Variants in CISD3 observed in about 807,000 individuals in gnomAD.
CISD3 encodes CDGSH iron sulfur domain 3, also known as CDGSH iron-sulfur domain-containing protein 3, mitochondrial.
Under a neutral mutation model 14.1 loss-of-function variants are expected in CISD3, and 11 were observed. That is an observed-to-expected ratio of 0.78 (90% CI 0.49 to 1.29). The LOEUF (loss-of-function observed/expected upper bound fraction) is 1.29. Ranked by LOEUF, CISD3 falls within the 50% of genes most tolerant of loss-of-function variation. The pLI, the probability that CISD3 is intolerant of heterozygous loss-of-function variation, is 0.00. For synonymous variants in CISD3, 53 were observed against 69.2 expected (o/e 0.77, Z 1.16); for missense variants, 156 against 171.6 (o/e 0.91, Z 0.51).
chr17:38,733,424 T>G lies in CISD3; in HGVS notation c.353T>G (p.Val118Gly). Residue 118 changes from valine (V) to glycine (G), a missense_variant, in exon 4 of 4, where the codon GTG (valine) becomes GGG (glycine). Val to Gly is a moderately radical substitution (Grantham distance 109, BLOSUM62 -3). Transcript: ENST00000613478. Reference protein sequence around the residue: ...YCDGTHRSERVQKAEVGSPL With the variant: ...YCDGTHRSERGQKAEVGSPL ...GATGGCACCCACAGGAGTGAGCGCGTGCAGAAGGCAGAAGTGGGCTCCCCA... is the reference window on the plus strand; with the variant it reads ...GATGGCACCCACAGGAGTGAGCGCGGGCAGAAGGCAGAAGTGGGCTCCCCA... The G allele has an allele frequency of 6.5e-7, 1 of 1,547,368 alleles. No individual in the cohort carries two copies. The highest frequency in any genetic ancestry group is 8.7e-7 in the Non-Finnish European group (1 of 1,144,002).
At position 38,731,307 on chromosome 17, in the gene CISD3, TC is replaced by T. The variant is rs758252173; in HGVS notation, c.85-10del. ...TGAGCTAACCCTGAGCCCCTCATCT[TC>T]CCTGGCCACAGGCCCAGTGGTTCCC... On this transcript the variant is annotated splice_polypyrimidine_tract_variant and intron_variant, in intron 2 of 3. Coordinates refer to ENST00000613478, the MANE Select transcript of CISD3 (RefSeq NM_001136498.2). 1 of 1,550,614 alleles carries T rather than the reference TC, an allele frequency of 6.4e-7. No individual in the cohort carries two copies. Among genetic ancestry groups the T allele is most frequent in the Non-Finnish European group, 8.7e-7 (1 of 1,146,864 alleles).
Position 38,735,364 on chromosome 17 carries a change from G to A in CISD3, c.*1909G>A. ...TGGCTGTCGAAGGGGGAGTGGGGGA[G>A]GTAGGGTGGGTGGCTGGAGGCCCAT... On this transcript the variant is annotated 3_prime_UTR_variant, in exon 4 of 4. Coordinates refer to ENST00000613478, the MANE Select transcript of CISD3 (RefSeq NM_001136498.2). 6.4e-7 allele frequency: 1 copy of A among 1,562,250 alleles called. No homozygotes were observed. Among genetic ancestry groups the A allele is most frequent in the Non-Finnish European group, 8.7e-7 (1 of 1,151,956 alleles).
intron 3 of CISD3, chr17:38,731,684 G>A (rs1906341924): frequency 1.9e-6 from 1 of 532,116 alleles, no homozygotes; most frequent in Non-Finnish European, 3.4e-6. Flanking sequence ...CTTCCAGTGG[G>A]CTCTTCTGGA....
At position 38,733,660 on chromosome 17, in the gene CISD3, G is replaced by A. The variant is rs1033682822; in HGVS notation, c.*205G>A. ...GCCCTGGTTCAATGTTTGCTGATGGGGAAGATGGCAAAAACAAGCCTGCCC... is the reference window on the plus strand; with the variant it reads ...GCCCTGGTTCAATGTTTGCTGATGGAGAAGATGGCAAAAACAAGCCTGCCC... On this transcript the variant is annotated 3_prime_UTR_variant, in exon 4 of 4. Transcript: ENST00000613478. 3.5e-6 allele frequency: 2 copies of A among 568,628 alleles called. No individual in the cohort carries two copies. Among genetic ancestry groups the A allele is most frequent in the East Asian group, 3.1e-5 (1 of 31,864 alleles). The allele number at this position is 568,628 out of a possible 1,614,324, so 35.2% of individuals were successfully genotyped here. A position where few individuals can be genotyped will look rare whatever the true frequency, so the allele number is the denominator to read the frequency against.
intron 2 of CISD3, 124 bp downstream of exon 2, chr17:38,730,919 C>T: frequency 1.8e-6 from 2 of 1,094,236 alleles, no homozygotes; most frequent in South Asian, 2.9e-5. Context: ...GCCCGTGGCT[C>T]TCAGGGAGGT....
chr17:38,735,499 C>T lies in CISD3; in HGVS notation c.*2044C>T, dbSNP rs74324354. The T allele has an allele frequency of 7.3e-4, 1,166 of 1,593,276 alleles. 22 individuals are homozygous for T. In the East Asian group the frequency reaches 0.025, roughly 34 times the overall value. ...TGTCGCTGACTGACTCACACTCGGA[C>T]GCCCCGCTGGTGTTGGTGCCCTCGG... is the stretch of plus-strand genomic sequence containing the variant. On this transcript the variant is annotated 3_prime_UTR_variant, in exon 4 of 4. Transcript: ENST00000613478.
chr17:38,732,938 G>GAGAC (rs1555624786), intron 3 of CISD3, among the ~76,000 whole-genome samples: 1 of 116,572 alleles, frequency 8.6e-6, no homozygotes, highest in Non-Finnish European at 1.9e-5. Flanking sequence ...GAGACTCAGA[G>GAGAC]ACACACACAC....
At chr17:38,732,590 T>C (rs774088291) in intron 3 of CISD3, among the ~76,000 whole-genome samples, 22 of 152,052 alleles carry the variant, frequency 1.4e-4, no homozygotes, top group Non-Finnish European at 2.8e-4. Context: ...TGAGCCGTGT[T>C]TGCATCACTG....
chr17:38,731,429 G>C lies in CISD3; in HGVS notation c.194G>C (p.Ser65Thr). ...TACAGGTGGTGTGTGTGTGGCCGCA[G>C]CAAGAAGCAGGTGAGACCCCTGTCT... is the stretch of plus-strand genomic sequence containing the variant. ...KTYRWCVCGR[S>T]KKQPFCDGSH... is the part of the protein sequence containing the mutation. The change falls in exon 3 of 4, where the codon AGC becomes ACC. Residue 65 changes from serine (S) to threonine (T), a missense_variant. By Grantham distance (58) the Ser-to-Thr change is moderately conservative (BLOSUM62 1). Coordinates refer to ENST00000613478, the MANE Select transcript of CISD3 (RefSeq NM_001136498.2). The C allele has an allele frequency of 6.4e-7, 1 of 1,551,626 alleles. No homozygotes were observed. The highest frequency in any genetic ancestry group is 8.7e-7 in the Non-Finnish European group (1 of 1,146,936).
At position 38,734,882 on chromosome 17, in the gene CISD3, T is replaced by C. The variant is rs540477925; in HGVS notation, c.*1427T>C. 1.9e-4 allele frequency: 37 copies of C among 189,950 alleles called. No individual in the cohort carries two copies. Among genetic ancestry groups the C allele is most frequent in the Non-Finnish European group, 3.1e-4 (29 of 93,632 alleles). The allele number at this position is 189,950 out of a possible 1,614,324, so 11.8% of individuals were successfully genotyped here. A position where few individuals can be genotyped will look rare whatever the true frequency, so the allele number is the denominator to read the frequency against. On this transcript the variant is annotated 3_prime_UTR_variant, in exon 4 of 4. Transcript: ENST00000613478. ...ACAGCGAGGATGGTGCAGAGCTTTA[T>C]TGAGACTCCAGTGGCCCATCCAGTT...
Position 38,731,352 on chromosome 17 carries a change from C to G in CISD3, c.117C>G (p.Ser39=). ...AQWFPRTPAR[S]VVALKTPIKV... The stretch of plus-strand genomic sequence containing the variant: ...GGTTCCCTAGAACCCCAGCCAGGTC[C>G]GTGGTGGCCCTGAAGACCCCCATCA... The change falls in exon 3 of 4, where the codon TCC becomes TCG. Residue 39 remains serine, a synonymous_variant. Transcript: ENST00000613478. The G allele has an allele frequency of 6.4e-7, 1 of 1,551,544 alleles. No individual in the cohort carries two copies.
In CISD3 at chr17:38,735,563, G is replaced by C. The variant is rs749903360; in HGVS notation, c.*2108G>C. The C allele has an allele frequency of 5.0e-6, 8 of 1,585,228 alleles. No individual in the cohort carries two copies. Among genetic ancestry groups the C allele is most frequent in the Non-Finnish European group, 5.1e-6 (6 of 1,165,128 alleles). Reference sequence around the variant, plus strand: ...CGTGGCTAGGGTGAGCCGCTTGCAGGCTGGCTGGACACGGTACTTGAGGGG... The same window carrying C: ...CGTGGCTAGGGTGAGCCGCTTGCAGCCTGGCTGGACACGGTACTTGAGGGG... On this transcript the variant is annotated 3_prime_UTR_variant, in exon 4 of 4. Coordinates refer to ENST00000613478, the MANE Select transcript of CISD3 (RefSeq NM_001136498.2).
In CISD3 at chr17:38,735,556, C is replaced by T; in HGVS notation, c.*2101C>T. 1.9e-6 allele frequency: 3 copies of T among 1,585,624 alleles called. No individual in the cohort carries two copies. Among genetic ancestry groups the T allele is most frequent in the South Asian group, 1.1e-5 (1 of 87,158 alleles). ...TGGGCACCGTGGCTAGGGTGAGCCG[C>T]TTGCAGGCTGGCTGGACACGGTACT... On this transcript the variant is annotated 3_prime_UTR_variant, in exon 4 of 4. Coordinates refer to ENST00000613478, the MANE Select transcript of CISD3 (RefSeq NM_001136498.2).
intron 3 of CISD3, chr17:38,731,799 A>G (rs2143733360): frequency 6.1e-5 from 16 of 260,178 alleles, no homozygotes; most frequent in South Asian, 3.9e-4. Flanking sequence ...CTTGAACCCC[A>G]AAAGCCTACA....
chr17:38,732,750 T>G (rs1450810086), intron 3 of CISD3, among the ~76,000 whole-genome samples: 3 of 152,110 alleles, frequency 2.0e-5, no homozygotes, highest in Non-Finnish European at 4.4e-5. Flanking sequence ...GGGAGTACAC[T>G]TCTGTGCCAG....
At position 38,735,566 on chromosome 17, in the gene CISD3, G is replaced by A. The variant is rs2143055378; in HGVS notation, c.*2111G>A. The A allele has an allele frequency of 1.3e-6, 2 of 1,584,144 alleles. No individual in the cohort carries two copies. Among genetic ancestry groups the A allele is most frequent in the South Asian group, 1.1e-5 (1 of 87,030 alleles). Reference sequence around the variant, plus strand: ...GGCTAGGGTGAGCCGCTTGCAGGCTGGCTGGACACGGTACTTGAGGGGGAG... The same window carrying A: ...GGCTAGGGTGAGCCGCTTGCAGGCTAGCTGGACACGGTACTTGAGGGGGAG... On this transcript the variant is annotated 3_prime_UTR_variant, in exon 4 of 4. Transcript: ENST00000613478.
rs562267075 is a variant in CISD3 at position 38,730,742 on chromosome 17, T to C, written c.49-18T>C. ...AACCACCGTCTTGTGATGCCTGCCA[T>C]GCTTGCGTACCTTGCAGGACCTGAA... On this transcript the variant is annotated intron_variant, in intron 1 of 3. Transcript: ENST00000613478. 1.3e-6 allele frequency: 2 copies of C among 1,551,758 alleles called. No homozygotes were observed. The highest frequency in any genetic ancestry group is 1.4e-5 in the African/African-American group (1 of 73,186).
In CISD3 at chr17:38,731,250, A is replaced by G. The variant is rs948626601; in HGVS notation, c.85-70A>G. 5.2e-6 allele frequency: 8 copies of G among 1,525,510 alleles called. No individual in the cohort carries two copies. In the Admixed American group the frequency reaches 6.2e-5, roughly 12 times the overall value. The allele number at this position is 1,525,510 out of a possible 1,614,324, so 94.5% of individuals were successfully genotyped here. A position where few individuals can be genotyped will look rare whatever the true frequency, so the allele number is the denominator to read the frequency against. On this transcript the variant is annotated intron_variant, in intron 2 of 3. Transcript: ENST00000613478. ...CACACAGGCCAGTGGGAAACTAGGA[A>G]GGGTCGCAGGCCGGACGGTGCTTCC...
chr17:38,733,344 G>T lies in CISD3; in HGVS notation c.273G>T (p.Glu91Asp), dbSNP rs1353251564. The change falls in exon 4 of 4, where the codon GAG (glutamate) becomes GAT (aspartate). Residue 91 changes from glutamate to aspartate, a missense_variant. Coordinates refer to ENST00000613478, the MANE Select transcript of CISD3 (RefSeq NM_001136498.2). ...GLSPLKFKAQ[E>D]TRMVALCTCK... is the part of the protein sequence containing the mutation. ...CTCCACTCAAGTTCAAGGCCCAAGA[G>T]ACCCGCATGGTGGCACTCTGTACCT... 5 of 1,551,686 alleles carry T rather than the reference G, an allele frequency of 3.2e-6. No individual in the cohort carries two copies. Among genetic ancestry groups the T allele is most frequent in the Non-Finnish European group, 3.5e-6 (4 of 1,146,984 alleles).
Sources: allele counts gnomAD v4.1 joint callset (sites outside exome capture counted in the v4.1 genomes callset), GRCh38; gene constraint gnomAD v4.1.1; transcripts MANE v1.5; gene names NCBI Gene and HGNC (gene_info 2026-07-23, HGNC 2026-07-21).